The following ZMYM2 variants were observed in gnomAD, a reference collection of about 807,000 sequenced individuals.
ZMYM2 encodes zinc finger MYM-type containing 2.
A neutral mutation model predicts 162.8 loss-of-function variants in ZMYM2; 56 were observed. That is an observed-to-expected ratio of 0.34 (90% CI 0.28 to 0.43). The LOEUF (loss-of-function observed/expected upper bound fraction) is 0.43, where lower values mean the gene tolerates loss of function less well. Ranked by LOEUF, ZMYM2 falls within the 20% of genes least tolerant of loss-of-function variation. The pLI, the probability that ZMYM2 is intolerant of heterozygous loss-of-function variation, is 1.00. For synonymous variants in ZMYM2, 510 were observed against 541.6 expected (o/e 0.94, Z 0.81); for missense variants, 1,275 against 1,621.8 (o/e 0.79, Z 3.67).
In ZMYM2 at chr13:20,082,770, C is replaced by T. The variant is rs776168028; in HGVS notation, c.3569-11C>T. Reference sequence around the variant, plus strand: ...ATTATAATTCTTTTAAAATAGTTCTCTCTATTTAAGGGTCAATATTCTCTC... The same window carrying T: ...ATTATAATTCTTTTAAAATAGTTCTTTCTATTTAAGGGTCAATATTCTCTC... On this transcript the variant is annotated splice_polypyrimidine_tract_variant and intron_variant, in intron 22 of 24. Transcript: ENST00000610343. 2 of 1,535,384 alleles carry T rather than the reference C, an allele frequency of 1.3e-6. No homozygotes were observed. Among genetic ancestry groups the T allele is most frequent in the Admixed American group, 2.1e-5 (1 of 47,110 alleles).
At chr13:20,024,562 G>A (rs1414621625) in intron 7 of ZMYM2, 4 of 223,256 alleles carry the variant, frequency 1.8e-5, no homozygotes, top group Admixed American at 5.7e-5. Context: ...CAGTTGTCCC[G>A]AATATTTTAT....
chr13:19,984,840 A>G (rs1345048162), intron 2 of ZMYM2, among the ~76,000 whole-genome samples: 1 of 152,218 alleles, frequency 6.6e-6, no homozygotes, highest in African/African-American at 2.4e-5. Flanking sequence ...AGAAAGACCT[A>G]TTTTAGGCTA....
At chr13:19,958,360 C>T (rs1234627325), upstream of ZMYM2, among the ~76,000 whole-genome samples, 1 of 151,980 alleles carries the variant, frequency 6.6e-6, no homozygotes, top group Non-Finnish European at 1.5e-5. Context: ...CGGAGTCTCC[C>T]GGGCTGTGTA....
chr13:19,965,347 T>TA lies in ZMYM2; in HGVS notation c.-11+5322dup, dbSNP rs545033676. The TA allele has an allele frequency of 6.3e-5, 53 of 838,182 alleles. No individual in the cohort carries two copies. In the East Asian group the frequency reaches 1.6e-3, roughly 26 times the overall value. The allele number at this position is 838,182 out of a possible 1,614,324, so 51.9% of individuals were successfully genotyped here. On this transcript the variant is annotated intron_variant, in intron 2 of 24. Transcript: ENST00000610343. ...CATTAAAAAATGACTTCTCTTCTAATACTGGAACAGTTTTATAATCATTCA... is the reference window on the plus strand; with the variant it reads ...CATTAAAAAATGACTTCTCTTCTAATAACTGGAACAGTTTTATAATCATTCA...
intron 23 of ZMYM2, 122 bp downstream of exon 23, chr13:20,083,154 C>G: frequency 9.9e-7 from 1 of 1,009,916 alleles, no homozygotes; most frequent in Non-Finnish European, 1.4e-6. Context: ...CCTCTACCTC[C>G]TGGGTTCAAG....
At chr13:20,019,664 C>A in intron 7 of ZMYM2, 46 bp downstream of exon 7, 1 of 1,488,864 alleles carries the variant, frequency 6.7e-7, no homozygotes, top group Non-Finnish European at 9.2e-7. Flanking sequence ...CATTTTTGAG[C>A]ACTGCTACTA....
At chr13:19,937,238 T>G in the ZMYM2 span, among the ~76,000 whole-genome samples, 1 of 152,206 alleles carries the variant, frequency 6.6e-6, no homozygotes, top group East Asian at 1.9e-4. Flanking sequence ...AACCTCCGCC[T>G]CCTTGGCTCA....
rs1241729851 is a variant in ZMYM2, at chr13:20,086,795, AT to A, written c.*782del. 377 of 151,306 alleles carry A rather than the reference AT, an allele frequency of 2.5e-3. 2 individuals carry two copies. Among genetic ancestry groups the A allele is most frequent in the African/African-American group, 8.8e-3 (361 of 40,930 alleles). 9.4% of individuals were successfully genotyped at this position (151,306 alleles called of 1,614,324 possible). A position where few individuals can be genotyped will look rare whatever the true frequency, so the allele number is the denominator to read the frequency against. On this transcript the variant is annotated 3_prime_UTR_variant, in exon 25 of 25. Transcript: ENST00000610343. ...TGTATATATATATATATATATATAT[AT>A]ATAAATGATTGTAAGTTGAAAACAA...
intron 10 of ZMYM2, among the ~76,000 whole-genome samples, chr13:20,032,766 G>A (rs762439073): frequency 1.3e-5 from 2 of 151,592 alleles, no homozygotes; most frequent in Non-Finnish European, 2.9e-5. Flanking sequence ...CTGCCACCAC[G>A]CCTGGCTAAT....
chr13:19,871,891 C>T, the ZMYM2 span, among the ~76,000 whole-genome samples: 3 of 152,136 alleles, frequency 2.0e-5, no homozygotes, highest in Admixed American at 1.3e-4. Context: ...AATAAAAAAT[C>T]GGAAAGTAAT....
the ZMYM2 span, among the ~76,000 whole-genome samples, chr13:19,927,188 A>AT: frequency 1.3e-5 from 2 of 151,892 alleles, no homozygotes; most frequent in Non-Finnish European, 2.9e-5. Context: ...TGTATTTGTT[A>AT]TTAAAAAAAT....
chr13:20,037,311 GT>G (rs1327232531), intron 12 of ZMYM2, among the ~76,000 whole-genome samples: 1 of 149,064 alleles, frequency 6.7e-6, no homozygotes, highest in Non-Finnish European at 1.5e-5. Context: ...CACCTCCCAG[GT>G]TCAGGCAATT....
the ZMYM2 span, among the ~76,000 whole-genome samples, chr13:19,911,613 C>T: frequency 6.6e-6 from 1 of 152,152 alleles, no homozygotes; most frequent in African/African-American, 2.4e-5. Flanking sequence ...GTCACTGTGG[C>T]CTGCCAGTCA....
At chr13:19,997,098 G>A (rs537686730) in intron 3 of ZMYM2, among the ~76,000 whole-genome samples, 1 of 152,270 alleles carries the variant, frequency 6.6e-6, no homozygotes, top group Non-Finnish European at 1.5e-5. Flanking sequence ...TTGTCTTTTA[G>A]TCTTTTTTTG....
chr13:19,865,572 G>A, the ZMYM2 span, among the ~76,000 whole-genome samples: 1 of 152,204 alleles, frequency 6.6e-6, no homozygotes, highest in Non-Finnish European at 1.5e-5. Flanking sequence ...TCGTGGAGAA[G>A]GGCTCCATAG....
intron 3 of ZMYM2, 108 bp from the exon 4 acceptor site, chr13:20,002,742 A>G: frequency 7.2e-7 from 1 of 1,396,448 alleles, no homozygotes; most frequent in Non-Finnish European, 9.7e-7. Context: ...TTCCATTAAC[A>G]TCTTAAAATT....
intron 5 of ZMYM2, among the ~76,000 whole-genome samples, chr13:20,005,718 C>G (rs1483475750): frequency 1.3e-5 from 2 of 151,958 alleles, no homozygotes; most frequent in Non-Finnish European, 1.5e-5. Context: ...ATGGTTCTCC[C>G]CTCCTCATTT....
intron 1 of ZMYM2, among the ~76,000 whole-genome samples, chr13:19,959,680 T>TC (rs1461105195): frequency 2.6e-5 from 4 of 151,866 alleles, no homozygotes; most frequent in African/African-American, 9.7e-5. Context: ...CGTTTTCCCT[T>TC]CCCCCCTCCC....
At chr13:19,962,638 C>T (rs1267890009) in intron 2 of ZMYM2, among the ~76,000 whole-genome samples, 1 of 147,304 alleles carries the variant, frequency 6.8e-6, no homozygotes, top group Admixed American at 7.0e-5. Context: ...GATTCTCCTG[C>T]CTCAGCCTCC....
Sources: gnomAD v4.1 joint callset for allele counts (sites outside exome capture counted in the v4.1 genomes callset) on GRCh38, gnomAD v4.1.1 for gene constraint, MANE v1.5 for transcripts, NCBI Gene and HGNC (gene_info 2026-07-23, HGNC 2026-07-21) for gene names.